CCDC148: variants seen among roughly 807,000 people sequenced by gnomAD.
CCDC148 encodes the protein coiled-coil domain containing 148.
In CCDC148, 89 loss-of-function variants were observed where a neutral mutation model predicts 85.7. The ratio of observed to expected loss-of-function variants is 1.04; its 90% CI spans 0.87 to 1.24. The LOEUF (loss-of-function observed/expected upper bound fraction) is 1.24. Among genes scored for constraint, CCDC148 ranks in the 50% most tolerant of loss-of-function variants. The pLI is 0.00. For missense variants in CCDC148, 692 were observed against 671.7 expected, an observed-to-expected ratio of 1.03 and a Z score of -0.33; for synonymous variants, 230 against 213.9, an observed-to-expected ratio of 1.08 and a Z score of -0.66.
intron 2 of CCDC148, among the ~76,000 whole-genome samples, chr2:158,358,145 T>C (rs1369480705): frequency 6.6e-6 from 1 of 152,204 alleles, no homozygotes; most frequent in Admixed American, 6.5e-5. Flanking sequence ...ACAATTTTTA[T>C]TCTTCAGATT....
At chr2:158,191,149 C>T (rs983541668) in intron 11 of CCDC148, among the ~76,000 whole-genome samples, 6 of 152,026 alleles carry the variant, frequency 3.9e-5, no homozygotes, top group Admixed American at 2.6e-4. Flanking sequence ...ACTGCTGAAC[C>T]GAGAGGGCAC....
Position 158,176,537 on chromosome 2 carries a change from G to GT in CCDC148, c.1612dup (p.Thr538AsnfsTer4). ...CATAATTACCTGCTGTTCATTGTAT[G>GT]TATTCAATGTGAAGAGTGGCTTTTG... is the stretch of plus-strand genomic sequence containing the variant. On this transcript the variant is annotated frameshift_variant, in exon 13 of 14. Transcript: ENST00000283233. LOFTEE classifies it high-confidence loss of function. The GT allele has an allele frequency of 6.2e-7, 1 of 1,611,412 alleles. No individual in the cohort carries two copies. The highest frequency in any genetic ancestry group is 8.5e-7 in the Non-Finnish European group (1 of 1,178,360).
intron 11 of CCDC148, among the ~76,000 whole-genome samples, chr2:158,220,197 A>C (rs2105301298): frequency 6.6e-6 from 1 of 152,254 alleles, no homozygotes; most frequent in South Asian, 2.1e-4. Flanking sequence ...ACCACACAGC[A>C]CTGTATAATT....
chr2:158,361,691 G>C (rs941269985), intron 1 of CCDC148, among the ~76,000 whole-genome samples: 1 of 151,400 alleles, frequency 6.6e-6, no homozygotes, highest in African/African-American at 2.4e-5. Context: ...ACATGGAAAG[G>C]AACAACCGGT....
chr2:158,289,268 T>C (rs777644645), intron 9 of CCDC148, among the ~76,000 whole-genome samples: 2 of 152,048 alleles, frequency 1.3e-5, no homozygotes, highest in African/African-American at 2.4e-5. Context: ...AAAGATACTA[T>C]TAAGAGAATG....
chr2:158,211,901 T>A (rs1558985517), intron 11 of CCDC148, among the ~76,000 whole-genome samples: 1 of 152,206 alleles, frequency 6.6e-6, no homozygotes, highest in Non-Finnish European at 1.5e-5. Context: ...CTTGCTTAGC[T>A]AAGCTCCATT....
At chr2:158,224,656 C>A (rs1417958888) in intron 10 of CCDC148, among the ~76,000 whole-genome samples, 1 of 152,180 alleles carries the variant, frequency 6.6e-6, no homozygotes, top group Non-Finnish European at 1.5e-5. Context: ...ATTCAACATT[C>A]TTAAAGAAAA....
chr2:158,223,342 A>G (rs999745167), intron 10 of CCDC148, among the ~76,000 whole-genome samples: 7 of 152,178 alleles, frequency 4.6e-5, no homozygotes, highest in Non-Finnish European at 8.8e-5. Context: ...GGTGGAGCCC[A>G]CTGCAGCTCA....
intron 1 of CCDC148, among the ~76,000 whole-genome samples, chr2:158,445,484 T>A (rs772040640): frequency 6.6e-6 from 1 of 152,168 alleles, no homozygotes; most frequent in Non-Finnish European, 1.5e-5. Flanking sequence ...TTATTGGAGC[T>A]AAATGATTTA....
intron 9 of CCDC148, among the ~76,000 whole-genome samples, chr2:158,257,698 G>A (rs1434914331): frequency 2.0e-5 from 3 of 151,466 alleles, no homozygotes. Flanking sequence ...CCTTTTATTA[G>A]TCTTACTCAG....
At chr2:158,240,452 TCACACACACACA>T (rs4028276) in intron 10 of CCDC148, among the ~76,000 whole-genome samples, 5 of 120,468 alleles carry the variant, frequency 4.2e-5, no homozygotes, top group African/African-American at 1.2e-4. Flanking sequence ...TCTCTCTCTC[TCACACACACACA>T]CACACACACA....
chr2:158,318,433 CA>C (rs1159870754), intron 7 of CCDC148, among the ~76,000 whole-genome samples: 1 of 152,080 alleles, frequency 6.6e-6, no homozygotes, highest in Non-Finnish European at 1.5e-5. Context: ...AAACTTGTGC[CA>C]AATTCCAAAG....
At chr2:158,194,253 AAAC>A (rs780636548) in intron 11 of CCDC148, among the ~76,000 whole-genome samples, 2 of 152,138 alleles carry the variant, frequency 1.3e-5, no homozygotes, top group African/African-American at 2.4e-5. Flanking sequence ...AACACAGGTA[AAAC>A]AACAACATTA....
chr2:158,322,031 T>A (rs1031876796), intron 7 of CCDC148, among the ~76,000 whole-genome samples: 1 of 152,092 alleles, frequency 6.6e-6, no homozygotes, highest in African/African-American at 2.4e-5. Flanking sequence ...ATGAACCAAA[T>A]AATATAAAGT....
intron 2 of CCDC148, among the ~76,000 whole-genome samples, chr2:158,357,891 G>A (rs897069665): frequency 6.6e-5 from 10 of 152,068 alleles, no homozygotes; most frequent in African/African-American, 2.4e-4. Context: ...TTCAATGAAC[G>A]CTATTATTTG....
At chr2:158,441,150 G>A (rs1350630399) in intron 1 of CCDC148, among the ~76,000 whole-genome samples, 1 of 152,138 alleles carries the variant, frequency 6.6e-6, no homozygotes, top group Non-Finnish European at 1.5e-5. Flanking sequence ...CAATTCCAGG[G>A]AAAGATAGCT....
Position 158,259,828 on chromosome 2 carries a change from C to T in CCDC148, c.1111-8916G>A, listed in dbSNP as rs370317975. ...TCTTCCTTTCCTCCCCACTCCTACA[C>T]GTCCTTGCTTATCTCCATCCCAGGC... On this transcript the variant is annotated intron_variant, in intron 9 of 13. Coordinates refer to ENST00000283233, the MANE Select transcript of CCDC148 (RefSeq NM_138803.4). 2.0e-4 allele frequency among the ~76,000 whole-genome samples: 31 copies of T among 151,984 alleles called. No individual in the cohort carries two copies. In the South Asian group the frequency reaches 2.3e-3, roughly 11 times the overall value.
At chr2:158,437,693 T>C (rs1392351107) in intron 1 of CCDC148, among the ~76,000 whole-genome samples, 1 of 152,234 alleles carries the variant, frequency 6.6e-6, no homozygotes, top group Non-Finnish European at 1.5e-5. Flanking sequence ...AAATTGTCCC[T>C]GTTTGCAGAT....
At chr2:158,409,099 T>G (rs2105312854) in intron 1 of CCDC148, among the ~76,000 whole-genome samples, 1 of 152,204 alleles carries the variant, frequency 6.6e-6, no homozygotes, top group South Asian at 2.1e-4. Context: ...TATATAATTT[T>G]TTTCTGGTTA....
Sources: gnomAD v4.1 joint callset for allele counts (sites outside exome capture counted in the v4.1 genomes callset) on GRCh38, gnomAD v4.1.1 for gene constraint, MANE v1.5 for transcripts, NCBI Gene and HGNC (gene_info 2026-07-23, HGNC 2026-07-21) for gene names.